The following HYDIN variants were observed in gnomAD, a reference collection of about 807,000 sequenced individuals.
The protein encoded by HYDIN is axonemal central pair apparatus protein HYDIN.
Under a neutral mutation model 403.9 loss-of-function variants are expected in HYDIN, and 132 were observed. The ratio of observed to expected loss-of-function variants is 0.33; its 90% CI spans 0.28 to 0.38. The LOEUF (loss-of-function observed/expected upper bound fraction) is 0.38, where lower values mean the gene tolerates loss of function less well. HYDIN is among the 10% of genes least tolerant of loss of function. The pLI is 1.00. For synonymous variants in HYDIN, 1,202 were observed against 1,891.7 expected, an observed-to-expected ratio of 0.64 and a Z score of 9.46; for missense variants, 2,827 against 5,009.5, an observed-to-expected ratio of 0.56 and a Z score of 13.15.
At chr16:70,835,066 C>A (rs569365653) in intron 78 of HYDIN, among the ~76,000 whole-genome samples, 1 of 146,024 alleles carries the variant, frequency 6.8e-6, no homozygotes, top group Non-Finnish European at 1.5e-5. Context: ...GGTGCGATCT[C>A]GACTCACTGC....
At chr16:71,010,027 AG>A (rs1182403665) in intron 23 of HYDIN, among the ~76,000 whole-genome samples, 5 of 124,922 alleles carry the variant, frequency 4.0e-5, no homozygotes, top group African/African-American at 1.4e-4. Context: ...GGAAGTTGCT[AG>A]GGGGAGGGAC....
intron 47 of HYDIN, among the ~76,000 whole-genome samples, chr16:70,916,508 C>A (rs1312962161): frequency 2.0e-5 from 3 of 152,120 alleles, no homozygotes; most frequent in African/African-American, 7.2e-5. Context: ...TCTCCTGGGT[C>A]CTGCAGGAGC....
chr16:71,080,952 A>G (rs2082767662), intron 12 of HYDIN: 1 of 152,194 alleles, frequency 6.6e-6, no homozygotes, highest in Non-Finnish European at 1.5e-5. Flanking sequence ...GGAATCCAGG[A>G]ATGTGAGCCG....
chr16:70,903,238 T>C (rs2076444383), intron 52 of HYDIN, among the ~76,000 whole-genome samples: 1 of 107,796 alleles, frequency 9.3e-6, no homozygotes. Context: ...TTAATGAATA[T>C]GTAAGTTCTA....
At chr16:71,008,368 G>A (rs144244952) in intron 23 of HYDIN, among the ~76,000 whole-genome samples, 42 of 152,222 alleles carry the variant, frequency 2.8e-4, no homozygotes, top group African/African-American at 9.4e-4. Context: ...CCCTAAAAGC[G>A]GGTATTCATC....
At chr16:70,860,404 A>G (rs1372157819) in intron 70 of HYDIN, among the ~76,000 whole-genome samples, 198 bp from the exon 71 acceptor site, 1 of 143,696 alleles carries the variant, frequency 7.0e-6, no homozygotes, top group East Asian at 1.9e-4. Flanking sequence ...CTTTGGAATA[A>G]CAATGCTGCC....
chr16:70,907,159 T>A (rs1473186167), intron 50 of HYDIN, among the ~76,000 whole-genome samples: 1 of 152,216 alleles, frequency 6.6e-6, no homozygotes. Context: ...AAACCTCTCC[T>A]AGGCTTTCCC....
At chr16:70,980,539 A>C (rs1236007289) in intron 29 of HYDIN, among the ~76,000 whole-genome samples, 1 of 147,048 alleles carries the variant, frequency 6.8e-6, no homozygotes. Context: ...ATATATATAT[A>C]AATATAAATA....
At chr16:71,070,901 T>C (rs1292579401) in intron 13 of HYDIN, among the ~76,000 whole-genome samples, 3 of 148,160 alleles carry the variant, frequency 2.0e-5, no homozygotes, top group South Asian at 4.4e-4. Flanking sequence ...CACATTCATG[T>C]ATCCTTTGTG....
chr16:70,915,203 A>G (rs1338284465), intron 47 of HYDIN, among the ~76,000 whole-genome samples: 2 of 152,108 alleles, frequency 1.3e-5, no homozygotes, highest in African/African-American at 4.8e-5. Flanking sequence ...TTGGGGGGCT[A>G]CTAAAGGGCC....
intron 10 of HYDIN, among the ~76,000 whole-genome samples, chr16:71,110,404 A>T (rs1003179844): frequency 1.4e-5 from 2 of 140,612 alleles, no homozygotes; most frequent in Admixed American, 7.3e-5. Context: ...ATATATATTT[A>T]TATATAATAT....
chr16:71,020,120 T>C, intron 22 of HYDIN, 54 bp downstream of exon 22: 1 of 1,584,708 alleles, frequency 6.3e-7, no homozygotes, highest in African/African-American at 1.3e-5. Context: ...TCTTCCTTTA[T>C]CACACCCCGC....
At chr16:70,876,233 C>T (rs1293041410) in intron 62 of HYDIN, among the ~76,000 whole-genome samples, 7 of 148,326 alleles carry the variant, frequency 4.7e-5, no homozygotes, top group South Asian at 4.4e-4. Context: ...TCACCCAGGC[C>T]GGAGCGCAGT....
chr16:71,140,115 ATG>A (rs2085113734), intron 7 of HYDIN, among the ~76,000 whole-genome samples: 1 of 109,280 alleles, frequency 9.2e-6, no homozygotes, highest in Non-Finnish European at 2.0e-5. Context: ...GGTGAAAACA[ATG>A]CCATTCAAGA....
chr16:70,964,831 C>T lies in HYDIN; in HGVS notation c.5685G>A (p.Gly1895=). Residue 1895 remains glycine (G), a synonymous_variant, in exon 37 of 86, where the codon GGG becomes GGA. Transcript: ENST00000393567. ...NTLLLPPRNP[G]EKLPPELYEY... ...CGTACAGTTCTGGGGGCAGCTTCTC[C>T]CCAGGGTTGCGGGGAGGCAGCAGCA... 6.3e-7 allele frequency: 1 copy of T among 1,597,916 alleles called. No individual in the cohort carries two copies. The highest frequency in any genetic ancestry group is 8.6e-7 in the Non-Finnish European group (1 of 1,165,254).
At chr16:71,199,904 C>T (rs2087900528) in intron 1 of HYDIN, among the ~76,000 whole-genome samples, 1 of 152,138 alleles carries the variant, frequency 6.6e-6, no homozygotes, top group Admixed American at 6.6e-5. Context: ...GAGGCTGAGA[C>T]CTACTGGGCT....
At chr16:71,176,125 GAAACCTC>G (rs202200073) in intron 4 of HYDIN, among the ~76,000 whole-genome samples, 4 of 125,104 alleles carry the variant, frequency 3.2e-5, no homozygotes, top group Admixed American at 1.4e-4. Context: ...CTAATACAGT[GAAACCTC>G]ATCTCTACTA....
intron 1 of HYDIN, among the ~76,000 whole-genome samples, chr16:71,228,291 A>C (rs991048942): frequency 5.4e-4 from 82 of 152,190 alleles, no homozygotes; most frequent in South Asian, 1.2e-3. Context: ...CAATGGCAAC[A>C]AAAGCCAGAA....
intron 36 of HYDIN, among the ~76,000 whole-genome samples, chr16:70,966,838 T>C (rs9931680): frequency 0.019 from 2,836 of 151,732 alleles, 94 homozygotes; most frequent in African/African-American, 0.064. Flanking sequence ...GAAGCTCCAC[T>C]GTAAGGATTG....
Sources: gnomAD v4.1 joint callset for allele counts (sites outside exome capture counted in the v4.1 genomes callset) on GRCh38, gnomAD v4.1.1 for gene constraint, MANE v1.5 for transcripts, NCBI Gene and HGNC (gene_info 2026-07-23, HGNC 2026-07-21) for gene names.